AGBL4: variants seen among roughly 807,000 people sequenced by gnomAD.
AGBL4 encodes the protein AGBL carboxypeptidase 4, also known as cytosolic carboxypeptidase 6.
In AGBL4, 58 loss-of-function variants were observed where a neutral mutation model predicts 66.4. That is an observed-to-expected ratio of 0.87 (90% confidence interval 0.71 to 1.09). The LOEUF is 1.09. Ranked by LOEUF, AGBL4 falls within the 50% of genes least tolerant of loss-of-function variation. The pLI is 0.00. For synonymous variants in AGBL4, 234 were observed against 222.9 expected, an observed-to-expected ratio of 1.05 and a Z score of -0.44; for missense variants, 579 against 631.0, an observed-to-expected ratio of 0.92 and a Z score of 0.88.
At chr1:48,778,439 G>A (rs1645195081) in intron 6 of AGBL4, among the ~76,000 whole-genome samples, 1 of 152,144 alleles carries the variant, frequency 6.6e-6, no homozygotes, top group African/African-American at 2.4e-5. Flanking sequence ...GAGTATTAAA[G>A]AAGTATAAGC....
At chr1:48,969,436 A>C (rs1231753935) in intron 5 of AGBL4, among the ~76,000 whole-genome samples, 5 of 152,156 alleles carry the variant, frequency 3.3e-5, no homozygotes, top group African/African-American at 4.8e-5. Context: ...TTGTTGCAAA[A>C]ATATAGCTAT....
At position 49,442,551 on chromosome 1, in the gene AGBL4, C is replaced by A. The variant is rs1646058555; in HGVS notation, c.283-196687G>T. Among the ~76,000 whole-genome samples, 3 of 152,318 alleles carry A rather than the reference C, an allele frequency of 2.0e-5. No individual in the cohort carries two copies. The South Asian group carries it at 6.2e-4, about 32-fold the overall frequency. On this transcript the variant is annotated intron_variant, in intron 3 of 13. Transcript: ENST00000371839. ...TTATTTCACTTAAGAGAATGACCTC[C>A]AGTTCCATCAACATTGCTGCAAATA...
At chr1:49,229,968 A>G (rs1408691045) in intron 4 of AGBL4, among the ~76,000 whole-genome samples, 1 of 152,140 alleles carries the variant, frequency 6.6e-6, no homozygotes, top group Non-Finnish European at 1.5e-5. Context: ...AAAGCTAGAT[A>G]TAATAATCTT....
At chr1:49,410,086 G>A (rs1053696138) in intron 3 of AGBL4, among the ~76,000 whole-genome samples, 2 of 152,078 alleles carry the variant, frequency 1.3e-5, no homozygotes, top group African/African-American at 4.8e-5. Context: ...CACTCTGCAG[G>A]CCTCTCTATA....
chr1:50,012,851 T>A (rs1217198893), intron 1 of AGBL4, among the ~76,000 whole-genome samples: 2 of 152,320 alleles, frequency 1.3e-5, no homozygotes. Flanking sequence ...TAAAATTTTC[T>A]GAGAACAACT....
intron 3 of AGBL4, among the ~76,000 whole-genome samples, chr1:49,571,099 CTT>C (rs35445920): frequency 1.4e-5 from 2 of 143,528 alleles, no homozygotes; most frequent in Non-Finnish European, 1.5e-5. Flanking sequence ...TATTTTAGGC[CTT>C]TTTTTTTTTC....
At chr1:49,261,630 C>A (rs1653178196) in intron 3 of AGBL4, among the ~76,000 whole-genome samples, 1 of 152,068 alleles carries the variant, frequency 6.6e-6, no homozygotes, top group South Asian at 2.1e-4. Flanking sequence ...TCAAGGAGAA[C>A]TGCAAACCAC....
intron 2 of AGBL4, among the ~76,000 whole-genome samples, chr1:49,708,881 G>A (rs192911189): frequency 3.3e-5 from 5 of 152,302 alleles, no homozygotes; most frequent in Admixed American, 2.0e-4. Context: ...ATCACCAGAG[G>A]AGCCTGCAGA....
At position 50,023,951 on chromosome 1, in the gene AGBL4, G is replaced by C; in HGVS notation, c.-155C>G. The C allele has an allele frequency of 1.3e-6, 1 of 753,200 alleles. No individual in the cohort carries two copies. Among genetic ancestry groups the C allele is most frequent in the Non-Finnish European group, 2.0e-6 (1 of 502,318 alleles). The allele number at this position is 753,200 out of a possible 1,614,324, so 46.7% of individuals were successfully genotyped here. A position where few individuals can be genotyped will look rare whatever the true frequency, so the allele number is the denominator to read the frequency against. On this transcript the variant is annotated 5_prime_UTR_variant, in exon 1 of 14. Coordinates refer to ENST00000371839, the MANE Select transcript of AGBL4 (RefSeq NM_032785.4). ...GCAGGCGCGCGGGTGGCCGGCGCGC[G>C]GCTGAGGGCGGGAGGGACGCCTGGG...
intron 4 of AGBL4, among the ~76,000 whole-genome samples, chr1:49,080,234 G>A (rs1393470095): frequency 6.6e-6 from 1 of 152,124 alleles, no homozygotes; most frequent in East Asian, 1.9e-4. Flanking sequence ...CTCACACAAA[G>A]TAGTTAATGT....
At chr1:49,152,006 A>G (rs1008025857) in intron 4 of AGBL4, among the ~76,000 whole-genome samples, 1 of 152,160 alleles carries the variant, frequency 6.6e-6, no homozygotes, top group Non-Finnish European at 1.5e-5. Flanking sequence ...AAAAAAAAAA[A>G]CATAAAATGT....
chr1:48,990,947 T>C (rs774822397), intron 5 of AGBL4, among the ~76,000 whole-genome samples: 2 of 152,164 alleles, frequency 1.3e-5, no homozygotes, highest in Non-Finnish European at 2.9e-5. Flanking sequence ...GTTGTAGTTA[T>C]TATTTTTGAT....
At chr1:48,865,526 T>G (rs987745694) in intron 6 of AGBL4, among the ~76,000 whole-genome samples, 8 of 152,138 alleles carry the variant, frequency 5.3e-5, no homozygotes, top group Admixed American at 3.9e-4. Flanking sequence ...GGGATAATAA[T>G]GAACCACTCA....
At chr1:48,594,171 CA>C (rs887644398) in intron 9 of AGBL4, among the ~76,000 whole-genome samples, 1 of 151,790 alleles carries the variant, frequency 6.6e-6, no homozygotes, top group African/African-American at 2.4e-5. Context: ...ACTAAAAATA[CA>C]AAAAAATTAG....
At chr1:49,251,993 A>G (rs1471617246) in intron 3 of AGBL4, among the ~76,000 whole-genome samples, 3 of 152,200 alleles carry the variant, frequency 2.0e-5, no homozygotes, top group African/African-American at 7.2e-5. Context: ...TCAAAAAGCC[A>G]GTGTGTCTTC....
At chr1:49,892,861 T>C (rs1461930342) in intron 1 of AGBL4, among the ~76,000 whole-genome samples, 1 of 152,202 alleles carries the variant, frequency 6.6e-6, no homozygotes, top group African/African-American at 2.4e-5. Context: ...TTACCTCTTA[T>C]TTCCAGTTTA....
intron 3 of AGBL4, among the ~76,000 whole-genome samples, chr1:49,658,946 C>T (rs1288354634): frequency 6.6e-6 from 1 of 151,752 alleles, no homozygotes; most frequent in Admixed American, 6.6e-5. Flanking sequence ...CAACATGGCA[C>T]ATGTATACAT....
intron 6 of AGBL4, among the ~76,000 whole-genome samples, chr1:48,848,276 A>G (rs1646963011): frequency 6.6e-6 from 1 of 152,134 alleles, no homozygotes; most frequent in Admixed American, 6.5e-5. Context: ...GCGGACTACA[A>G]CTATTTCAAT....
chr1:49,924,607 T>C (rs1382012086), intron 1 of AGBL4, among the ~76,000 whole-genome samples: 1 of 152,198 alleles, frequency 6.6e-6, no homozygotes, highest in Non-Finnish European at 1.5e-5. Context: ...GTATGAATAA[T>C]ATCTAAGTTT....
Sources: gnomAD v4.1 joint callset for allele counts (sites outside exome capture counted in the v4.1 genomes callset) on GRCh38, gnomAD v4.1.1 for gene constraint, MANE v1.5 for transcripts, NCBI Gene and HGNC (gene_info 2026-07-23, HGNC 2026-07-21) for gene names.